PRKCE: variants seen among roughly 807,000 people sequenced by gnomAD.
PRKCE encodes the protein protein kinase C epsilon type.
PRKCE carries 16 observed loss-of-function variants against 85.4 expected under a neutral mutation model. The ratio of observed to expected loss-of-function variants is 0.19; its 90% CI spans 0.13 to 0.28. PRKCE has a LOEUF of 0.28. Ranked by LOEUF, PRKCE falls within the 10% of genes least tolerant of loss-of-function variation. The pLI is 1.00. For missense variants in PRKCE, 573 were observed against 975.2 expected (o/e 0.59, Z 5.49); for synonymous variants, 388 against 371.5 (o/e 1.04, Z -0.51).
At chr2:45,809,754 C>T (rs1427345788) in intron 1 of PRKCE, among the ~76,000 whole-genome samples, 2 of 151,402 alleles carry the variant, frequency 1.3e-5, no homozygotes, top group African/African-American at 2.4e-5. Context: ...GTGGTGCATG[C>T]CTGTAATCCC....
At chr2:46,168,410 C>G (rs1678559531) in intron 14 of PRKCE, among the ~76,000 whole-genome samples, 1 of 152,168 alleles carries the variant, frequency 6.6e-6, no homozygotes, top group South Asian at 2.1e-4. Context: ...CCTAGAGGAG[C>G]TGGAACTTGA....
intron 1 of PRKCE, among the ~76,000 whole-genome samples, chr2:45,765,359 C>G (rs1004771167): frequency 2.0e-5 from 3 of 152,182 alleles, no homozygotes; most frequent in African/African-American, 7.2e-5. Context: ...AATGGAGTCT[C>G]CAGGTTGGGT....
intron 2 of PRKCE, among the ~76,000 whole-genome samples, chr2:45,862,750 G>T (rs1158997341): frequency 2.6e-5 from 4 of 152,012 alleles, no homozygotes; most frequent in Non-Finnish European, 5.9e-5. Context: ...GCTCTATTCT[G>T]CTCCCCAAGG....
intron 2 of PRKCE, among the ~76,000 whole-genome samples, chr2:45,853,379 C>A (rs962279497): frequency 6.6e-6 from 1 of 152,170 alleles, no homozygotes; most frequent in Non-Finnish European, 1.5e-5. Context: ...TTAAAAGCAA[C>A]CAGTCAGGAT....
chr2:46,018,461 C>G (rs1205073556), intron 10 of PRKCE, among the ~76,000 whole-genome samples: 1 of 152,136 alleles, frequency 6.6e-6, no homozygotes, highest in East Asian at 1.9e-4. Flanking sequence ...CAGAGTGAAA[C>G]TCCATCTCAA....
intron 11 of PRKCE, among the ~76,000 whole-genome samples, chr2:46,140,742 A>C (rs182871072): frequency 5.3e-5 from 8 of 152,214 alleles, no homozygotes; most frequent in Admixed American, 3.3e-4. Flanking sequence ...TCAAACAAAA[A>C]ACTGGGATAA....
intron 11 of PRKCE, among the ~76,000 whole-genome samples, chr2:46,128,648 G>A (rs191203274): frequency 1.6e-4 from 25 of 152,290 alleles, no homozygotes; most frequent in Admixed American, 5.2e-4. Flanking sequence ...TTTGGTAAAC[G>A]TTCCCTAATC....
intron 2 of PRKCE, among the ~76,000 whole-genome samples, chr2:45,954,114 G>A (rs893507045): frequency 6.6e-5 from 10 of 152,108 alleles, no homozygotes; most frequent in African/African-American, 1.9e-4. Context: ...AATCTCCTTG[G>A]TCCTGCTCCC....
chr2:45,971,388 AT>A (rs1330216549), intron 2 of PRKCE, among the ~76,000 whole-genome samples: 1 of 152,084 alleles, frequency 6.6e-6, no homozygotes, highest in African/African-American at 2.4e-5. Context: ...AATACACCAT[AT>A]TTTCTTCTTT....
chr2:46,109,473 C>G (rs935343361), intron 11 of PRKCE, among the ~76,000 whole-genome samples: 4 of 151,924 alleles, frequency 2.6e-5, no homozygotes, highest in African/African-American at 9.7e-5. Flanking sequence ...CTACTGAAAA[C>G]GATATATTTT....
intron 10 of PRKCE, among the ~76,000 whole-genome samples, chr2:46,084,718 CAAAAAAAAA>C (rs11314680): frequency 1.9e-3 from 174 of 92,216 alleles, no homozygotes; most frequent in African/African-American, 6.6e-3. Flanking sequence ...GAGACTCCAT[CAAAAAAAAA>C]AAAAAAAAAA....
chr2:46,080,962 C>A (rs1669007987), intron 10 of PRKCE, among the ~76,000 whole-genome samples: 1 of 132,974 alleles, frequency 7.5e-6, no homozygotes, highest in Non-Finnish European at 1.6e-5. Flanking sequence ...TAAGAATTTG[C>A]AGTTATGCAT....
At chr2:46,000,271 G>A (rs954618684) in intron 6 of PRKCE, among the ~76,000 whole-genome samples, 2 of 150,816 alleles carry the variant, frequency 1.3e-5, no homozygotes, top group South Asian at 2.1e-4. Context: ...TGTGGAGGGA[G>A]GGAAAGAATT....
chr2:45,840,707 C>A (rs896380475), intron 1 of PRKCE, among the ~76,000 whole-genome samples: 3 of 152,140 alleles, frequency 2.0e-5, no homozygotes, highest in Non-Finnish European at 2.9e-5. Flanking sequence ...TGAGGGAAAC[C>A]TTAAGCTCTC....
At chr2:45,659,164 T>A (rs1675519447) in intron 1 of PRKCE, among the ~76,000 whole-genome samples, 1 of 152,228 alleles carries the variant, frequency 6.6e-6, no homozygotes, top group African/African-American at 2.4e-5. Context: ...AAAGGGCATC[T>A]TAAACTCCAT....
intron 14 of PRKCE, among the ~76,000 whole-genome samples, chr2:46,183,930 G>A (rs1021449350): frequency 6.6e-6 from 1 of 152,144 alleles, no homozygotes; most frequent in Admixed American, 6.5e-5. Context: ...TCATTTGTGG[G>A]TTGATTGATT....
intron 2 of PRKCE, among the ~76,000 whole-genome samples, chr2:45,950,010 A>G (rs956018090): frequency 6.6e-6 from 1 of 151,976 alleles, no homozygotes; most frequent in Non-Finnish European, 1.5e-5. Flanking sequence ...TGAGAAACCT[A>G]GTAGGATTTA....
chr2:45,897,905 G>A (rs772501965), intron 2 of PRKCE, among the ~76,000 whole-genome samples: 7 of 152,158 alleles, frequency 4.6e-5, no homozygotes, highest in Non-Finnish European at 7.3e-5. Context: ...TGAGACACCC[G>A]GATAAACTGC....
chr2:46,030,315 C>G (rs1255239511), intron 10 of PRKCE, among the ~76,000 whole-genome samples: 1 of 152,222 alleles, frequency 6.6e-6, no homozygotes, highest in Non-Finnish European at 1.5e-5. Context: ...AACCTCCTGT[C>G]TAACCCCCAG....
Sources: allele counts gnomAD v4.1 joint callset (sites outside exome capture counted in the v4.1 genomes callset), GRCh38; gene constraint gnomAD v4.1.1; transcripts MANE v1.5; gene names NCBI Gene and HGNC (gene_info 2026-07-23, HGNC 2026-07-21).